The following OPRD1 variants were observed in gnomAD, a reference collection of about 807,000 sequenced individuals.
OPRD1 encodes opioid receptor delta 1, also known as delta-type opioid receptor.
In OPRD1, 19 loss-of-function variants were observed where a neutral mutation model predicts 17.5. The observed-to-expected ratio is 1.09, with a 90% CI of 0.76 to 1.60. OPRD1 has a LOEUF of 1.60. OPRD1 is among the 40% of genes most tolerant of loss of function. The pLI is 0.00. For missense variants in OPRD1, 483 were observed against 547.2 expected, an observed-to-expected ratio of 0.88 and a Z score of 1.17; for synonymous variants, 256 against 240.9, an observed-to-expected ratio of 1.06 and a Z score of -0.58.
At chr1:28,820,206 T>C (rs531828759) in intron 1 of OPRD1, among the ~76,000 whole-genome samples, 16 of 150,610 alleles carry the variant, frequency 1.1e-4, no homozygotes, top group African/African-American at 3.7e-4. Flanking sequence ...TTTTTTTTTT[T>C]TTTTTTTTGA....
At chr1:28,828,584 G>A (rs2088785785) in intron 1 of OPRD1, among the ~76,000 whole-genome samples, 2 of 151,402 alleles carry the variant, frequency 1.3e-5, no homozygotes, top group Non-Finnish European at 2.9e-5. Context: ...CACTTTGGAA[G>A]CCGAAGAGGG....
intron 1 of OPRD1, among the ~76,000 whole-genome samples, chr1:28,824,465 C>T (rs946811463): frequency 6.6e-6 from 1 of 151,486 alleles, no homozygotes; most frequent in Admixed American, 6.6e-5. Context: ...AGGCGCCCGC[C>T]ACCACACCCG....
intron 1 of OPRD1, among the ~76,000 whole-genome samples, chr1:28,849,583 AT>A (rs1338236927): frequency 6.6e-6 from 1 of 152,226 alleles, no homozygotes; most frequent in Non-Finnish European, 1.5e-5. Flanking sequence ...GCTGCCAGTT[AT>A]TTAGTGCTTC....
At chr1:28,835,196 G>A (rs1189337097) in intron 1 of OPRD1, among the ~76,000 whole-genome samples, 1 of 152,162 alleles carries the variant, frequency 6.6e-6, no homozygotes, top group African/African-American at 2.4e-5. Context: ...CCCCCATTGT[G>A]CCTGCTGCCC....
chr1:28,858,793 G>C lies in OPRD1; in HGVS notation c.228-161G>C, dbSNP rs566693362. ...ACTCTTGACCTCAGGTGATCCACCC[G>C]CCTTGGCCTCCAAAAGTGCTGGGAT... On this transcript the variant is annotated intron_variant, in intron 1 of 2. Transcript: ENST00000234961. Among the ~76,000 whole-genome samples the C allele has an allele frequency of 1.3e-5, 2 of 152,180 alleles. 1 individual carries two copies. Among genetic ancestry groups the C allele is most frequent in the South Asian group, 4.2e-4 (2 of 4,816 alleles).
intron 1 of OPRD1, among the ~76,000 whole-genome samples, chr1:28,840,263 T>C (rs1355731339): frequency 2.0e-5 from 3 of 152,134 alleles, no homozygotes; most frequent in African/African-American, 4.8e-5. Context: ...TGGGAGCTTA[T>C]ATATATATGA....
intron 1 of OPRD1, among the ~76,000 whole-genome samples, chr1:28,820,257 C>A (rs1328518938): frequency 6.7e-6 from 1 of 149,282 alleles, no homozygotes. Flanking sequence ...TGCAGTGACG[C>A]AATCTTGGCT....
rs1289249715 is a variant in OPRD1, at chr1:28,858,996, C to T, written c.270C>T (p.Asn90=). 1 of 1,613,650 alleles carries T rather than the reference C, an allele frequency of 6.2e-7. No individual in the cohort carries two copies. ...MKTATNIYIF[N]LALADALATS... Reference sequence around the variant, plus strand: ...CGGCCACCAACATCTACATCTTCAACCTGGCCTTAGCCGATGCGCTGGCCA... The same window carrying T: ...CGGCCACCAACATCTACATCTTCAATCTGGCCTTAGCCGATGCGCTGGCCA... The change falls in exon 2 of 3, where the codon AAC becomes AAT. Residue 90 remains asparagine, a synonymous_variant. Transcript: ENST00000234961.
rs113703791 is a variant in OPRD1, at chr1:28,846,761, C to T, written c.228-12193C>T. ...GCCTCTCTTGTAAGTGCAGTAATCC[C>T]ACCATCCCAAAGGCCCCATTGTATT... On this transcript the variant is annotated intron_variant, in intron 1 of 2. Transcript: ENST00000234961. Among the ~76,000 whole-genome samples the T allele has an allele frequency of 2.4e-4, 37 of 151,160 alleles. 1 individual carries two copies. Among genetic ancestry groups the T allele is most frequent in the African/African-American group, 8.7e-4 (36 of 41,330 alleles).
intron 1 of OPRD1, among the ~76,000 whole-genome samples, chr1:28,852,149 A>G (rs1040565120): frequency 2.7e-5 from 4 of 147,124 alleles, no homozygotes; most frequent in African/African-American, 1.0e-4. Context: ...CCTGGGCGAC[A>G]GAGCAAACTC....
At chr1:28,829,026 C>T (rs2124267060) in intron 1 of OPRD1, among the ~76,000 whole-genome samples, 1 of 150,894 alleles carries the variant, frequency 6.6e-6, no homozygotes, top group African/African-American at 2.4e-5. Context: ...GAGCATCAGT[C>T]TCTCCTTGAA....
chr1:28,852,465 G>T (rs574326448), intron 1 of OPRD1, among the ~76,000 whole-genome samples: 1 of 152,098 alleles, frequency 6.6e-6, no homozygotes, highest in Non-Finnish European at 1.5e-5. Context: ...CTACAAAGTC[G>T]TAAGAATGTA....
At chr1:28,815,170 C>T (rs1015483118) in intron 1 of OPRD1, among the ~76,000 whole-genome samples, 2 of 152,152 alleles carry the variant, frequency 1.3e-5, no homozygotes, top group African/African-American at 2.4e-5. Flanking sequence ...CAGGCTGGAG[C>T]GTCGCAATCA....
chr1:28,838,910 G>A (rs1223768972), intron 1 of OPRD1, among the ~76,000 whole-genome samples: 1 of 151,984 alleles, frequency 6.6e-6, no homozygotes, highest in Admixed American at 6.6e-5. Context: ...TTTTTTGGTT[G>A]TTGTAAGAGA....
chr1:28,850,890 A>C (rs2088997174), intron 1 of OPRD1, among the ~76,000 whole-genome samples: 1 of 151,850 alleles, frequency 6.6e-6, no homozygotes, highest in Non-Finnish European at 1.5e-5. Flanking sequence ...AGGATATAAC[A>C]AAAGAGGATG....
At chr1:28,840,633 A>G (rs1243037919) in intron 1 of OPRD1, among the ~76,000 whole-genome samples, 2 of 152,114 alleles carry the variant, frequency 1.3e-5, no homozygotes, top group African/African-American at 4.8e-5. Context: ...AATAATGTAA[A>G]ATACGGGGCC....
intron 1 of OPRD1, among the ~76,000 whole-genome samples, chr1:28,849,902 C>T (rs1186402982): frequency 3.3e-5 from 4 of 120,326 alleles, no homozygotes; most frequent in Admixed American, 3.1e-4. Context: ...TTTTTTGAGA[C>T]GGAGTCTCGC....
At chr1:28,815,062 G>T (rs900611165) in intron 1 of OPRD1, among the ~76,000 whole-genome samples, 6 of 152,166 alleles carry the variant, frequency 3.9e-5, no homozygotes, top group African/African-American at 1.4e-4. Context: ...CTCCAGAGTT[G>T]CCTGGGGTAG....
At chr1:28,858,830 G>A in intron 1 of OPRD1, 124 bp from the exon 2 acceptor site, 1 of 918,148 alleles carries the variant, frequency 1.1e-6, no homozygotes, top group Non-Finnish European at 1.7e-6. Flanking sequence ...ACAGTTGTGA[G>A]GCACCATGCC....
Sources: gnomAD v4.1 joint callset for allele counts (sites outside exome capture counted in the v4.1 genomes callset) on GRCh38, gnomAD v4.1.1 for gene constraint, MANE v1.5 for transcripts, NCBI Gene and HGNC (gene_info 2026-07-23, HGNC 2026-07-21) for gene names.